The following DPF3 variants were observed in gnomAD, a reference collection of about 807,000 sequenced individuals.
DPF3 encodes zinc finger protein DPF3.
Under a neutral mutation model 56.8 loss-of-function variants are expected in DPF3, and 18 were observed. The ratio of observed to expected loss-of-function variants is 0.32; its 90% CI spans 0.22 to 0.47. DPF3 has a LOEUF of 0.47. Among genes scored for constraint, DPF3 ranks in the 20% least tolerant of loss-of-function variants. The pLI, the probability that DPF3 is intolerant of heterozygous loss-of-function variation, is 1.00. For missense variants in DPF3, 403 were observed against 488.8 expected (o/e 0.82, Z 1.65); for synonymous variants, 188 against 180.2 (o/e 1.04, Z -0.35).
At chr14:72,749,854 AAAAAG>A (rs1357522767) in intron 3 of DPF3, among the ~76,000 whole-genome samples, 1 of 100,482 alleles carries the variant, frequency 1.0e-5, no homozygotes, top group Non-Finnish European at 2.1e-5. Context: ...TTTAAAAAAA[AAAAAG>A]AAAAGAAAAG....
At chr14:72,644,093 AC>A (rs1885642157) in intron 8 of DPF3, among the ~76,000 whole-genome samples, 1 of 152,152 alleles carries the variant, frequency 6.6e-6, no homozygotes, top group South Asian at 2.1e-4. Context: ...GAAGTCTCTC[AC>A]CCAGGTGTCT....
At chr14:72,688,287 G>GTGGATGGA (rs1567200810) in intron 7 of DPF3, among the ~76,000 whole-genome samples, 1 of 100,058 alleles carries the variant, frequency 1.0e-5, no homozygotes, top group Non-Finnish European at 2.0e-5. Flanking sequence ...GGGTGGGTGG[G>GTGGATGGA]TGGATGGATG....
At position 72,693,214 on chromosome 14, in the gene DPF3, C is replaced by T; in HGVS notation, c.605-1G>A. On this transcript the variant is annotated splice_acceptor_variant, in intron 6 of 10. Transcript: ENST00000556509. LOFTEE classifies it high-confidence loss of function. Reference sequence around the variant, plus strand: ...CGGTTCTTGTAGCGCTTGCCACAGACTAGAGAGGAAAAGAGGAAAAAAGGG... The same window carrying T: ...CGGTTCTTGTAGCGCTTGCCACAGATTAGAGAGGAAAAGAGGAAAAAAGGG... 6.2e-7 allele frequency: 1 copy of T among 1,613,576 alleles called. No individual in the cohort carries two copies. Among genetic ancestry groups the T allele is most frequent in the Non-Finnish European group, 8.5e-7 (1 of 1,179,768 alleles).
At chr14:72,826,244 C>T (rs994656236) in intron 1 of DPF3, among the ~76,000 whole-genome samples, 1 of 152,192 alleles carries the variant, frequency 6.6e-6, no homozygotes, top group African/African-American at 2.4e-5. Context: ...TGCATCAAAG[C>T]AGCTGACTGC....
chr14:72,629,195 T>C (rs1885020664), intron 9 of DPF3, among the ~76,000 whole-genome samples: 1 of 152,220 alleles, frequency 6.6e-6, no homozygotes. Flanking sequence ...GTAAAAATGA[T>C]ATTATGACGG....
chr14:72,640,652 C>G (rs1297223439), intron 8 of DPF3, among the ~76,000 whole-genome samples: 2 of 152,128 alleles, frequency 1.3e-5, no homozygotes, highest in Non-Finnish European at 2.9e-5. Context: ...AAAATGGCAT[C>G]AAGATTCCTA....
rs146025048 is a variant in DPF3, at chr14:72,884,031, C to T, written c.32+10026G>A. 2.4e-3 allele frequency among the ~76,000 whole-genome samples: 370 copies of T among 152,292 alleles called. 2 individuals are homozygous for T. Among genetic ancestry groups the T allele is most frequent in the African/African-American group, 8.0e-3 (333 of 41,546 alleles). On this transcript the variant is annotated intron_variant, in intron 1 of 10. Transcript: ENST00000556509. ...CACAAGCAGATCTAAGCCCCTGCCC[C>T]GCCTCCACTTCTTCTCTCTCCCTCA...
chr14:72,844,449 T>C (rs1438486307), intron 1 of DPF3, among the ~76,000 whole-genome samples: 1 of 152,176 alleles, frequency 6.6e-6, no homozygotes, highest in African/African-American at 2.4e-5. Context: ...CCCTCTTGTG[T>C]GAAAAGGATT....
In DPF3 at chr14:72,814,945, T is replaced by TA. The variant is rs1883221256; in HGVS notation, c.33-43053dup. Reference sequence around the variant, plus strand: ...AGCAAAAATTTTCTTAAATAGGACATAAAATGCATGAGTCGTAAAGGAAAA... The same window carrying TA: ...AGCAAAAATTTTCTTAAATAGGACATAAAAATGCATGAGTCGTAAAGGAAAA... On this transcript the variant is annotated intron_variant, in intron 1 of 10. Transcript: ENST00000556509. Among the ~76,000 whole-genome samples the TA allele has an allele frequency of 6.6e-5, 10 of 152,142 alleles. No individual in the cohort carries two copies. In the South Asian group the frequency reaches 2.1e-3, roughly 31 times the overall value.
At chr14:72,619,646 G>A (rs924706464) in intron 10 of DPF3, among the ~76,000 whole-genome samples, 1 of 152,126 alleles carries the variant, frequency 6.6e-6, no homozygotes, top group African/African-American at 2.4e-5. Flanking sequence ...ACACCTCCCG[G>A]TCATCTCCAC....
In DPF3 at chr14:72,609,751, G is replaced by A. The variant is rs370065620; in HGVS notation, c.*9546C>T. On this transcript the variant is annotated 3_prime_UTR_variant, in exon 11 of 11. Transcript: ENST00000556509. ...AGCTTTTTGTTTGTCTGTTGCTGTC[G>A]TTGCTTTTTAGAGAAGCCAGGGTGG... Among the ~76,000 whole-genome samples the A allele has an allele frequency of 2.0e-5, 3 of 152,278 alleles. No individual in the cohort carries two copies. The highest frequency in any genetic ancestry group is 3.9e-4 in the East Asian group (2 of 5,172).
At chr14:72,756,957 G>C (rs1890860104) in intron 2 of DPF3, among the ~76,000 whole-genome samples, 2 of 112,266 alleles carry the variant, frequency 1.8e-5, no homozygotes, top group Admixed American at 1.7e-4. Flanking sequence ...AAGGGAGAGG[G>C]AAAGAGGGGG....
chr14:72,783,712 C>T (rs1481338385), intron 1 of DPF3, among the ~76,000 whole-genome samples: 1 of 152,232 alleles, frequency 6.6e-6, no homozygotes, highest in Non-Finnish European at 1.5e-5. Context: ...CCAAAAGGCA[C>T]ATTCCAGGCC....
intron 1 of DPF3, chr14:72,892,754 C>A (rs1886803415): frequency 4.2e-6 from 4 of 947,278 alleles, no homozygotes; most frequent in Non-Finnish European, 5.0e-6. Flanking sequence ...ACTTCGCCTG[C>A]GGCTTCGTCC....
chr14:72,648,931 C>A (rs897292129), intron 8 of DPF3, among the ~76,000 whole-genome samples: 1 of 152,098 alleles, frequency 6.6e-6, no homozygotes, highest in African/African-American at 2.4e-5. Flanking sequence ...CTGGAAAGGG[C>A]CAGTTCTCTC....
intron 8 of DPF3, among the ~76,000 whole-genome samples, chr14:72,667,195 C>T (rs1015856584): frequency 1.3e-5 from 2 of 151,984 alleles, no homozygotes; most frequent in Admixed American, 6.6e-5. Context: ...CTTTATAGTA[C>T]CTCTAAAAAA....
At chr14:72,658,532 T>TA (rs1445832827) in intron 8 of DPF3, among the ~76,000 whole-genome samples, 2 of 152,134 alleles carry the variant, frequency 1.3e-5, no homozygotes, top group Non-Finnish European at 2.9e-5. Flanking sequence ...CTGAATTTTT[T>TA]AAAAAATCTC....
At chr14:72,835,554 G>A (rs1884255742) in intron 1 of DPF3, among the ~76,000 whole-genome samples, 2 of 152,158 alleles carry the variant, frequency 1.3e-5, no homozygotes, top group African/African-American at 4.8e-5. Context: ...AGGAGCTGGG[G>A]AAGCAGTTTC....
intron 7 of DPF3, among the ~76,000 whole-genome samples, chr14:72,688,279 GTGGGTGGGTGGATGGA>G (rs1887516662): frequency 9.7e-6 from 1 of 103,416 alleles, no homozygotes; most frequent in Non-Finnish European, 2.0e-5. Context: ...GAGTGGGTGG[GTGGGTGGGTGGATGGA>G]TGGGTGGGTG....
Sources: allele counts gnomAD v4.1 joint callset (sites outside exome capture counted in the v4.1 genomes callset), GRCh38; gene constraint gnomAD v4.1.1; transcripts MANE v1.5; gene names NCBI Gene and HGNC (gene_info 2026-07-23, HGNC 2026-07-21).